CFAP97: variants seen among roughly 807,000 people sequenced by gnomAD.
CFAP97 encodes cilia and flagella associated protein 97.
In CFAP97, 36 loss-of-function variants were observed where a neutral mutation model predicts 43.1. That is an observed-to-expected ratio of 0.84 (90% CI 0.64 to 1.10). The LOEUF is 1.10. Ranked by LOEUF, CFAP97 falls within the 50% of genes least tolerant of loss-of-function variation. The pLI is 0.00. For missense variants in CFAP97, 657 were observed against 620.3 expected (o/e 1.06, Z -0.63); for synonymous variants, 228 against 225.7 (o/e 1.01, Z -0.09).
At chr4:185,165,919 A>C (rs985281896) in intron 3 of CFAP97, among the ~76,000 whole-genome samples, 2 of 152,062 alleles carry the variant, frequency 1.3e-5, no homozygotes, top group African/African-American at 4.8e-5. Context: ...ATCCAGGGGA[A>C]GGGCCACTTA....
Position 185,175,875 on chromosome 4 carries a change from T to C in CFAP97, c.1231A>G (p.Ile411Val). 1 of 1,613,938 alleles carries C rather than the reference T, an allele frequency of 6.2e-7. No individual in the cohort carries two copies. Among genetic ancestry groups the C allele is most frequent in the Non-Finnish European group, 8.5e-7 (1 of 1,179,868 alleles). ...GGGGGATGATCAGCCGATCTAGGAA[T>C]TGTACTTTTGCTTCCCGGCTTTTCC... ...QAEKPGSKST[I>V]PRSADHPPKL... Residue 411 changes from isoleucine to valine, a missense_variant, in exon 3 of 5, where the codon ATT (isoleucine) becomes GTT (valine). Ile to Val is a conservative substitution (Grantham distance 29). Coordinates refer to ENST00000458385, the MANE Select transcript of CFAP97 (RefSeq NM_020827.3).
intron 2 of CFAP97, among the ~76,000 whole-genome samples, chr4:185,189,659 T>C (rs1046160765): frequency 3.9e-5 from 6 of 152,248 alleles, no homozygotes; most frequent in African/African-American, 1.4e-4. Flanking sequence ...TTTTAAGTAA[T>C]GCTCTTTAGC....
intron 3 of CFAP97, chr4:185,170,247 G>A (rs1735241026): frequency 6.2e-6 from 4 of 648,768 alleles, no homozygotes; most frequent in South Asian, 1.7e-5. Context: ...TTGGGAGGCC[G>A]AGGCAGGAGA....
chr4:185,199,643 C>G (rs1035887578), intron 1 of CFAP97, among the ~76,000 whole-genome samples: 4 of 152,018 alleles, frequency 2.6e-5, no homozygotes, highest in African/African-American at 9.7e-5. Context: ...GCATTTCAGC[C>G]TGGGTGAGGC....
At chr4:185,207,527 C>T (rs1257563746), upstream of CFAP97, among the ~76,000 whole-genome samples, 1 of 152,094 alleles carries the variant, frequency 6.6e-6, no homozygotes, top group East Asian at 1.9e-4. Context: ...CAACTATCCA[C>T]TTTTAAGCAT....
chr4:185,194,305 A>G lies in CFAP97; in HGVS notation c.-16-3093T>C, dbSNP rs1242162691. 2.6e-5 allele frequency among the ~76,000 whole-genome samples: 4 copies of G among 152,314 alleles called. No individual in the cohort carries two copies. In the South Asian group the frequency reaches 6.2e-4, roughly 24 times the overall value. ...GGAGTTCGAGACCAGCCCGGTCCAC[A>G]TGGCGAAACTCCTTCTCTACTAAAA... On this transcript the variant is annotated intron_variant, in intron 1 of 4. Coordinates refer to ENST00000458385, the MANE Select transcript of CFAP97 (RefSeq NM_020827.3).
chr4:185,162,312 A>G lies in CFAP97; in HGVS notation c.*486T>C, dbSNP rs1379515486. On this transcript the variant is annotated 3_prime_UTR_variant, in exon 5 of 5. Transcript: ENST00000458385. ...GCTCTACCAGTGAAAACAAATTTCA[A>G]GATTTGTTTCATAATAAGTGTTAAA... The G allele has an allele frequency of 6.5e-6, 1 of 154,998 alleles. No homozygotes were observed. Among genetic ancestry groups the G allele is most frequent in the Non-Finnish European group, 1.4e-5 (1 of 69,864 alleles). The allele number at this position is 154,998 out of a possible 1,614,324, so 9.6% of individuals were successfully genotyped here. A position where few individuals can be genotyped will look rare whatever the true frequency, so the allele number is the denominator to read the frequency against.
intron 1 of CFAP97, among the ~76,000 whole-genome samples, chr4:185,200,738 G>A (rs1441285656): frequency 6.6e-6 from 1 of 151,984 alleles, no homozygotes; most frequent in Non-Finnish European, 1.5e-5. Context: ...AATGACCTGG[G>A]ATCATGCCAA....
chr4:185,173,031 G>C (rs1368605047), intron 3 of CFAP97, among the ~76,000 whole-genome samples: 1 of 151,774 alleles, frequency 6.6e-6, no homozygotes, highest in East Asian at 1.9e-4. Flanking sequence ...ACAGGCATGA[G>C]TCACCAGGCC....
At chr4:185,209,918 G>T, upstream of CFAP97, 11 of 983,302 alleles carry the variant, frequency 1.1e-5, no homozygotes, top group Non-Finnish European at 1.3e-5. This position sits in a 1 kb window ranked among gnomAD's most constrained non-coding sequence, Gnocchi z 5.2. Flanking sequence ...GGCTTCAGGG[G>T]CGAGCGGCGG....
chr4:185,206,825 A>G (rs1021843221), upstream of CFAP97, among the ~76,000 whole-genome samples: 28 of 152,312 alleles, frequency 1.8e-4, no homozygotes, highest in African/African-American at 5.8e-4. Context: ...CGCCGGCTGG[A>G]GAGCCTGGAA....
At chr4:185,197,601 T>C (rs1218259737) in intron 1 of CFAP97, among the ~76,000 whole-genome samples, 3 of 151,978 alleles carry the variant, frequency 2.0e-5, no homozygotes, top group African/African-American at 7.3e-5. Flanking sequence ...CTAATTTTTG[T>C]ATTTTTAGTA....
At chr4:185,206,601 G>A (rs990081557), upstream of CFAP97, among the ~76,000 whole-genome samples, 9 of 147,906 alleles carry the variant, frequency 6.1e-5, no homozygotes, top group African/African-American at 2.3e-4. Context: ...GGAGGTTGCA[G>A]TGAGCCGAGA....
intron 2 of CFAP97, among the ~76,000 whole-genome samples, chr4:185,182,874 C>A (rs887815430): frequency 1.3e-5 from 2 of 151,452 alleles, no homozygotes; most frequent in African/African-American, 4.9e-5. Context: ...CTGACACGGG[C>A]GGATCATCTG....
intron 2 of CFAP97, among the ~76,000 whole-genome samples, chr4:185,180,058 TAA>T (rs140251377): frequency 0.017 from 2,608 of 152,302 alleles, 89 homozygotes; most frequent in African/African-American, 0.06. Context: ...ATAGGATTGA[TAA>T]GTTTTACTTT....
At chr4:185,187,510 A>G (rs977401678) in intron 2 of CFAP97, among the ~76,000 whole-genome samples, 2 of 151,800 alleles carry the variant, frequency 1.3e-5, no homozygotes, top group Non-Finnish European at 2.9e-5. Context: ...ATAGATGTCT[A>G]GAAAAAGGCT....
intron 2 of CFAP97, chr4:185,182,658 A>G (rs1363192218): frequency 6.6e-6 from 1 of 152,222 alleles, no homozygotes; most frequent in African/African-American, 2.4e-5. Flanking sequence ...CAGAAGCCTA[A>G]GTTTTATTCC....
Position 185,194,268 on chromosome 4 carries a change from C to A in CFAP97, c.-16-3056G>T, listed in dbSNP as rs143004380. On this transcript the variant is annotated intron_variant, in intron 1 of 4. Coordinates refer to ENST00000458385, the MANE Select transcript of CFAP97 (RefSeq NM_020827.3). ...CTTTGGGAAGCCGAGGCGGGTGGAT[C>A]ACCTGAGGTCAGGAGTTCGAGACCA... Among the ~76,000 whole-genome samples the A allele has an allele frequency of 3.9e-3, 597 of 152,262 alleles. 2 individuals are homozygous for A. Among genetic ancestry groups the A allele is most frequent in the African/African-American group, 0.013 (560 of 41,550 alleles).
In CFAP97 at chr4:185,190,220, A is replaced by T. The variant is rs1363690035; in HGVS notation, c.977T>A (p.Val326Glu). Residue 326 changes from valine (V) to glutamate (E), a missense_variant, in exon 2 of 5, where the codon GTG becomes GAG. By Grantham distance (121) the Val-to-Glu change is moderately radical (BLOSUM62 -2). Coordinates refer to ENST00000458385, the MANE Select transcript of CFAP97 (RefSeq NM_020827.3). ...EPDVSSKSSSVLDSSLDHRHK... is the reference protein window; with the variant it reads ...EPDVSSKSSSELDSSLDHRHK... ...TCTGTGGTCTAAACTGGAGTCTAAC[A>T]CTGAAGACGACTTTGAGGAGACATC... The T allele has an allele frequency of 6.2e-7, 1 of 1,613,554 alleles. No homozygotes were observed. The highest frequency in any genetic ancestry group is 8.5e-7 in the Non-Finnish European group (1 of 1,179,764).
Sources: allele counts gnomAD v4.1 joint callset (sites outside exome capture counted in the v4.1 genomes callset), GRCh38; gene constraint gnomAD v4.1.1; non-coding constraint Gnocchi (gnomAD v3.1); transcripts MANE v1.5; gene names NCBI Gene and HGNC (gene_info 2026-07-23, HGNC 2026-07-21).